The following ADAMTSL1 variants were observed in gnomAD, a reference collection of about 807,000 sequenced individuals.
The protein encoded by ADAMTSL1 is ADAMTS-like protein 1.
In ADAMTSL1, 126 loss-of-function variants were observed where a neutral mutation model predicts 201.8. The observed-to-expected ratio is 0.62, with a 90% CI of 0.54 to 0.72. The LOEUF (loss-of-function observed/expected upper bound fraction) is 0.72, where lower values mean the gene tolerates loss of function less well. Ranked by LOEUF, ADAMTSL1 falls within the 30% of genes least tolerant of loss-of-function variation. The pLI is 0.00. For synonymous variants in ADAMTSL1, 1,121 were observed against 903.4 expected (o/e 1.24, Z -4.32); for missense variants, 2,679 against 2,277.8 (o/e 1.18, Z -3.59).
At chr9:18,793,701 C>T (rs1822191914) in intron 19 of ADAMTSL1, among the ~76,000 whole-genome samples, 1 of 152,110 alleles carries the variant, frequency 6.6e-6, no homozygotes, top group African/African-American at 2.4e-5. Context: ...GGCTACTGAG[C>T]CATTTCTGTG....
intron 4 of ADAMTSL1, among the ~76,000 whole-genome samples, chr9:18,584,902 G>A (rs1049306549): frequency 9.9e-5 from 15 of 152,262 alleles, no homozygotes; most frequent in African/African-American, 3.1e-4. Flanking sequence ...GAATTGTGAG[G>A]AAATAAATTT....
At chr9:17,978,763 C>G (rs962459345) in intron 1 of ADAMTSL1, among the ~76,000 whole-genome samples, 1 of 151,412 alleles carries the variant, frequency 6.6e-6, no homozygotes, top group African/African-American at 2.4e-5. Context: ...CTTACCTTTA[C>G]CATTGATTTT....
At chr9:18,149,548 A>T (rs2132037841) in intron 1 of ADAMTSL1, among the ~76,000 whole-genome samples, 1 of 152,170 alleles carries the variant, frequency 6.6e-6, no homozygotes, top group East Asian at 1.9e-4. Flanking sequence ...GGAGTGTGTT[A>T]GAAAAGCATC....
chr9:18,852,608 A>G (rs546594993), intron 23 of ADAMTSL1, among the ~76,000 whole-genome samples: 2 of 152,304 alleles, frequency 1.3e-5, no homozygotes, highest in East Asian at 1.9e-4. Context: ...CTCTTTGATA[A>G]TATCAGCCTA....
intron 2 of ADAMTSL1, among the ~76,000 whole-genome samples, chr9:18,395,856 C>A (rs1388391492): frequency 6.6e-6 from 1 of 152,156 alleles, no homozygotes; most frequent in East Asian, 1.9e-4. Context: ...CTAAAATTTA[C>A]AAATATGTCA....
At chr9:18,072,489 G>C (rs1746893455) in intron 1 of ADAMTSL1, among the ~76,000 whole-genome samples, 1 of 152,250 alleles carries the variant, frequency 6.6e-6, no homozygotes, top group Admixed American at 6.5e-5. Flanking sequence ...AACCAACACA[G>C]CTTGCTAGTA....
intron 1 of ADAMTSL1, among the ~76,000 whole-genome samples, chr9:18,130,216 C>T (rs2131961250): frequency 6.6e-6 from 1 of 152,282 alleles, no homozygotes; most frequent in South Asian, 2.1e-4. Context: ...GGGGCATTTT[C>T]ACCTCGCATT....
intron 1 of ADAMTSL1, among the ~76,000 whole-genome samples, chr9:17,955,729 T>A (rs896368558): frequency 6.6e-6 from 1 of 152,180 alleles, no homozygotes; most frequent in African/African-American, 2.4e-5. Flanking sequence ...GTTGTGGTAT[T>A]GTTCTACTTT....
intron 2 of ADAMTSL1, among the ~76,000 whole-genome samples, chr9:18,457,212 C>CA (rs1820638264): frequency 6.6e-6 from 1 of 151,610 alleles, no homozygotes; most frequent in South Asian, 2.1e-4. Context: ...TTAAAAAAAG[C>CA]AAAAAACTAT....
intron 20 of ADAMTSL1, among the ~76,000 whole-genome samples, chr9:18,798,085 G>A (rs1445526413): frequency 1.4e-5 from 2 of 141,230 alleles, no homozygotes; most frequent in Non-Finnish European, 3.2e-5. Context: ...TATTAATGTA[G>A]GCCAAAGAGG....
At chr9:18,083,751 T>C (rs1823618315) in intron 1 of ADAMTSL1, among the ~76,000 whole-genome samples, 1 of 152,208 alleles carries the variant, frequency 6.6e-6, no homozygotes, top group African/African-American at 2.4e-5. Context: ...TGTTTCTGGG[T>C]ATTCTGTATA....
chr9:18,399,094 A>G (rs1587075018), intron 2 of ADAMTSL1, among the ~76,000 whole-genome samples: 1 of 151,464 alleles, frequency 6.6e-6, no homozygotes, highest in Non-Finnish European at 1.5e-5. Flanking sequence ...AATCCAGTAC[A>G]TTTTTAGCTC....
intron 2 of ADAMTSL1, among the ~76,000 whole-genome samples, chr9:18,254,069 G>A (rs1438033474): frequency 1.3e-5 from 2 of 152,114 alleles, no homozygotes; most frequent in Non-Finnish European, 2.9e-5. Context: ...TTAAGAGCCT[G>A]AGCTCTGGAG....
At chr9:18,524,475 A>G (rs1818906668) in intron 2 of ADAMTSL1, among the ~76,000 whole-genome samples, 1 of 152,106 alleles carries the variant, frequency 6.6e-6, no homozygotes, top group African/African-American at 2.4e-5. Context: ...TTCCAACACT[A>G]TGTTGAATAG....
At chr9:18,378,642 C>G (rs1483847647) in intron 2 of ADAMTSL1, among the ~76,000 whole-genome samples, 1 of 152,092 alleles carries the variant, frequency 6.6e-6, no homozygotes, top group Non-Finnish European at 1.5e-5. Context: ...CTCTACCTAC[C>G]CTTATCAGCT....
intron 20 of ADAMTSL1, among the ~76,000 whole-genome samples, chr9:18,808,266 G>A (rs561229894): frequency 6.6e-6 from 1 of 152,336 alleles, no homozygotes; most frequent in East Asian, 1.9e-4. Flanking sequence ...TAGTAGTTCT[G>A]AAGTGGGACT....
At chr9:18,429,830 C>G (rs1463816904) in intron 2 of ADAMTSL1, among the ~76,000 whole-genome samples, 1 of 152,032 alleles carries the variant, frequency 6.6e-6, no homozygotes, top group Non-Finnish European at 1.5e-5. Flanking sequence ...CGCTCTGTCT[C>G]TCAGGCTGGA....
intron 2 of ADAMTSL1, among the ~76,000 whole-genome samples, chr9:18,419,949 T>C (rs1818866169): frequency 6.6e-6 from 1 of 152,020 alleles, no homozygotes; most frequent in Admixed American, 6.6e-5. Context: ...AGGCTGGTCT[T>C]GAACTCCTGA....
chr9:18,220,383 TC>T (rs893033164), intron 2 of ADAMTSL1, among the ~76,000 whole-genome samples: 7 of 152,200 alleles, frequency 4.6e-5, no homozygotes, highest in East Asian at 3.8e-4. Context: ...CCCTCATTTT[TC>T]TTGAAAATTA....
Sources: gnomAD v4.1 joint callset for allele counts (sites outside exome capture counted in the v4.1 genomes callset) on GRCh38, gnomAD v4.1.1 for gene constraint, MANE v1.5 for transcripts, NCBI Gene and HGNC (gene_info 2026-07-23, HGNC 2026-07-21) for gene names.